Variants in RANBP3L observed in about 807,000 individuals in gnomAD.
RANBP3L encodes the protein ran-binding protein 3-like.
RANBP3L carries 56 observed loss-of-function variants against 67.2 expected under a neutral mutation model. That is an observed-to-expected ratio of 0.83 (90% CI 0.67 to 1.04). RANBP3L has a LOEUF of 1.04. Ranked by LOEUF, RANBP3L falls within the 50% of genes least tolerant of loss-of-function variation. The probability of loss-of-function intolerance (pLI) is 0.00; values close to 1 mark genes in which losing one functional copy is unlikely to be tolerated. For missense variants in RANBP3L, 496 were observed against 535.5 expected (o/e 0.93, Z 0.73); for synonymous variants, 164 against 181.4 (o/e 0.90, Z 0.77).
chr5:36,271,352 T>C (rs1487996299), intron 1 of RANBP3L, 41 bp from the exon 2 acceptor site: 3 of 1,228,002 alleles, frequency 2.4e-6, no homozygotes, highest in Non-Finnish European at 3.6e-6. Flanking sequence ...CAAAGCATAC[T>C]CTGACATTTC....
In RANBP3L at chr5:36,294,795, AT is replaced by A. The variant is rs573264456; in HGVS notation, c.91+6530del. Among the ~76,000 whole-genome samples the A allele has an allele frequency of 1.0e-4, 15 of 148,936 alleles. No homozygotes were observed. In the East Asian group the frequency reaches 2.9e-3, roughly 29 times the overall value. On this transcript the variant is annotated intron_variant, in intron 1 of 13. Coordinates refer to ENST00000296604, the MANE Select transcript of RANBP3L (RefSeq NM_145000.5). ...TATAGTGTGTATGTATAGTGTATAT[AT>A]ATAGTGTATATATGTATGTATGTTT...
At chr5:36,288,415 G>T (rs1243782555) in intron 1 of RANBP3L, among the ~76,000 whole-genome samples, 2 of 152,124 alleles carry the variant, frequency 1.3e-5, no homozygotes, top group Non-Finnish European at 2.9e-5. Context: ...ACATGTTGGG[G>T]CTCATATGAA....
intron 1 of RANBP3L, among the ~76,000 whole-genome samples, chr5:36,295,625 C>T (rs1269636648): frequency 6.6e-6 from 1 of 151,066 alleles, no homozygotes; most frequent in Non-Finnish European, 1.5e-5. Context: ...TGCAACAGTG[C>T]ACGAGGTTCC....
At chr5:36,282,030 CCTTATTTAGGCCCAAGGGCTCAG>C (rs1332639817) in intron 1 of RANBP3L, among the ~76,000 whole-genome samples, 2 of 152,186 alleles carry the variant, frequency 1.3e-5, no homozygotes, top group African/African-American at 4.8e-5. Flanking sequence ...TACACTACTC[CCTTATTTAGGCCCAAGGGCTCAG>C]AAAGTTGCAG....
intron 2 of RANBP3L, among the ~76,000 whole-genome samples, chr5:36,270,650 A>C (rs1270970594): frequency 6.6e-6 from 1 of 152,130 alleles, no homozygotes; most frequent in Non-Finnish European, 1.5e-5. Flanking sequence ...ACATGCCACC[A>C]TGCCTGACTA....
intron 1 of RANBP3L, among the ~76,000 whole-genome samples, chr5:36,276,495 A>G (rs904287325): frequency 8.9e-5 from 4 of 45,076 alleles, no homozygotes; most frequent in African/African-American, 2.1e-4. Context: ...TGTATAGGGG[A>G]AAAAAAATTC....
intron 1 of RANBP3L, among the ~76,000 whole-genome samples, chr5:36,294,765 A>G (rs537485130): frequency 3.3e-4 from 50 of 149,460 alleles, no homozygotes; most frequent in Non-Finnish European, 5.3e-4. Context: ...TAGTGTGTGT[A>G]TATATATAGT....
intron 6 of RANBP3L, among the ~76,000 whole-genome samples, chr5:36,263,054 A>G (rs1175042125): frequency 6.6e-6 from 1 of 152,192 alleles, no homozygotes; most frequent in Non-Finnish European, 1.5e-5. Context: ...AAATCCACCT[A>G]GAGATAGTTT....
chr5:36,272,547 CT>C (rs1750294989), intron 1 of RANBP3L, among the ~76,000 whole-genome samples: 1 of 152,198 alleles, frequency 6.6e-6, no homozygotes, highest in Non-Finnish European at 1.5e-5. Context: ...TGCAAACACC[CT>C]TTGTGAATTT....
chr5:36,249,705 A>G lies in RANBP3L; in HGVS notation c.1355-8T>C, dbSNP rs200965113. On this transcript the variant is annotated splice_polypyrimidine_tract_variant and splice_region_variant and intron_variant, in intron 13 of 13. Coordinates refer to ENST00000296604, the MANE Select transcript of RANBP3L (RefSeq NM_145000.5). ...GAGTCCAACTAGAAGGATCTGTGAT[A>G]TAAATTTAAAATGTTTTATTATACA... The G allele has an allele frequency of 7.1e-4, 1,068 of 1,511,988 alleles. 4 individuals carry two copies. The highest frequency in any genetic ancestry group is 1.0e-3 in the South Asian group (85 of 81,148). 93.7% of individuals were successfully genotyped at this position (1,511,988 alleles called of 1,614,324 possible).
intron 4 of RANBP3L, 23 bp from the exon 5 acceptor site, chr5:36,265,543 T>C: frequency 2.1e-6 from 3 of 1,419,234 alleles, no homozygotes; most frequent in Middle Eastern, 3.7e-4. Context: ...ATATTTAAAT[T>C]TTTTTAAATA....
rs1335716850 is a variant in RANBP3L, at chr5:36,260,800, T to C, written c.649A>G (p.Asn217Asp). The change falls in exon 8 of 14, where the codon AAC becomes GAC. Residue 217 changes from asparagine to aspartate, a missense_variant. By Grantham distance (23) the Asn-to-Asp change is conservative (BLOSUM62 1). Coordinates refer to ENST00000296604, the MANE Select transcript of RANBP3L (RefSeq NM_145000.5). ...SCSSNFVFGE[N>D]MVERVLGTQK... ...CTTACCAAAACTCTTTCTACCATGT[T>C]TTCTCCAAAAACAAAATTGGAACTG... 1.3e-6 allele frequency: 2 copies of C among 1,549,330 alleles called. No individual in the cohort carries two copies. Among genetic ancestry groups the C allele is most frequent in the East Asian group, 2.3e-5 (1 of 44,380 alleles).
At chr5:36,253,820 C>A in intron 11 of RANBP3L, 31 bp from the exon 12 acceptor site, 1 of 1,605,808 alleles carries the variant, frequency 6.2e-7, no homozygotes, top group Non-Finnish European at 8.5e-7. Context: ...CATCAGGCCA[C>A]AGAACAGTTG....
At chr5:36,286,967 C>A (rs528502255) in intron 1 of RANBP3L, among the ~76,000 whole-genome samples, 1 of 152,100 alleles carries the variant, frequency 6.6e-6, no homozygotes, top group Non-Finnish European at 1.5e-5. Context: ...TAATTCCTAT[C>A]TTCATTATTA....
chr5:36,273,196 T>C (rs756505717), intron 1 of RANBP3L, among the ~76,000 whole-genome samples: 2 of 152,196 alleles, frequency 1.3e-5, no homozygotes, highest in African/African-American at 2.4e-5. Flanking sequence ...GAATAATAAA[T>C]GTGACTCTTC....
chr5:36,258,968 T>G (rs992262068), intron 8 of RANBP3L, among the ~76,000 whole-genome samples: 1 of 152,240 alleles, frequency 6.6e-6, no homozygotes, highest in African/African-American at 2.4e-5. Context: ...ATCAATGCTT[T>G]ATATACCGTA....
In RANBP3L at chr5:36,249,484, T is replaced by G. The variant is rs1217415996; in HGVS notation, c.*170A>C. The G allele has an allele frequency of 2.5e-6, 1 of 396,594 alleles. No individual in the cohort carries two copies. The highest frequency in any genetic ancestry group is 2.1e-5 in the African/African-American group (1 of 48,022). 24.6% of individuals were successfully genotyped at this position (396,594 alleles called of 1,614,324 possible). ...GTCAGTTTCTGCACAATAATCAAAA[T>G]GTAAAATGTAAAACATAAAAATGTT... On this transcript the variant is annotated 3_prime_UTR_variant, in exon 14 of 14. Coordinates refer to ENST00000296604, the MANE Select transcript of RANBP3L (RefSeq NM_145000.5).
At position 36,251,430 on chromosome 5, in the gene RANBP3L, T is replaced by C. The variant is rs1190650174; in HGVS notation, c.1237A>G (p.Asn413Asp). The C allele has an allele frequency of 1.9e-6, 3 of 1,613,054 alleles. No homozygotes were observed. The African/African-American group carries it at 4.0e-5, about 22-fold the overall frequency. The change falls in exon 13 of 14, where the codon AAT becomes GAT. Residue 413 changes from asparagine (N) to aspartate (D), a missense_variant. Asn to Asp is a conservative substitution (Grantham distance 23). Coordinates refer to ENST00000296604, the MANE Select transcript of RANBP3L (RefSeq NM_145000.5). ...GCTTGATTGACATCTCTCTGCTTAT[T>C]GAAGCTTTGAAGTGCAACAAGACGA... is the stretch of plus-strand genomic sequence containing the variant. ...HHRLVALQSF[N>D]KQRDVNQAES...
At chr5:36,280,628 T>C (rs1189895488) in intron 1 of RANBP3L, among the ~76,000 whole-genome samples, 2 of 152,168 alleles carry the variant, frequency 1.3e-5, no homozygotes, top group Non-Finnish European at 2.9e-5. Flanking sequence ...ATTTTGAAAA[T>C]GTTTTGTAAT....
Sources: allele counts gnomAD v4.1 joint callset (sites outside exome capture counted in the v4.1 genomes callset), GRCh38; gene constraint gnomAD v4.1.1; transcripts MANE v1.5; gene names NCBI Gene and HGNC (gene_info 2026-07-23, HGNC 2026-07-21).